Variants in RICTOR observed in about 807,000 individuals in gnomAD.
RICTOR encodes RPTOR independent companion of MTOR complex 2.
In RICTOR, 49 loss-of-function variants were observed where a neutral mutation model predicts 214.9. The observed-to-expected ratio is 0.23, with a 90% CI of 0.18 to 0.29. The LOEUF (loss-of-function observed/expected upper bound fraction) is 0.29, where lower values mean the gene tolerates loss of function less well. Among genes scored for constraint, RICTOR ranks in the 10% least tolerant of loss-of-function variants. The probability of loss-of-function intolerance (pLI) is 1.00; values close to 1 mark genes in which losing one functional copy is unlikely to be tolerated. For synonymous variants in RICTOR, 717 were observed against 711.3 expected (o/e 1.01, Z -0.13); for missense variants, 1,625 against 2,047.0 (o/e 0.79, Z 3.98).
chr5:39,005,043 A>G (rs1753943216), intron 3 of RICTOR, among the ~76,000 whole-genome samples: 1 of 152,154 alleles, frequency 6.6e-6, no homozygotes, highest in South Asian at 2.1e-4. Flanking sequence ...GGCCTCCCAA[A>G]GTGCTGGGAT....
At chr5:38,969,042 TCACTGTAACCTC>T (rs1159102203) in intron 11 of RICTOR, among the ~76,000 whole-genome samples, 1 of 148,168 alleles carries the variant, frequency 6.7e-6, no homozygotes, top group East Asian at 2.1e-4. Context: ...CAATCTCGGC[TCACTGTAACCTC>T]CACCTCCCGG....
At position 39,059,092 on chromosome 5, in the gene RICTOR, C is replaced by T. The variant is rs114972635; in HGVS notation, c.97+15019G>A. ...AACCCACTGACAATCCTAAAGAATCCATCCACATCATAACACACCTGATAC... is the reference window on the plus strand; with the variant it reads ...AACCCACTGACAATCCTAAAGAATCTATCCACATCATAACACACCTGATAC... On this transcript the variant is annotated intron_variant, in intron 2 of 37. Transcript: ENST00000357387. Among the ~76,000 whole-genome samples, 237 of 152,152 alleles carry T rather than the reference C, an allele frequency of 1.6e-3. 1 individual carries two copies. Among genetic ancestry groups the T allele is most frequent in the African/African-American group, 5.3e-3 (220 of 41,530 alleles).
chr5:39,072,414 T>C (rs1016689703), intron 2 of RICTOR, among the ~76,000 whole-genome samples: 1 of 152,202 alleles, frequency 6.6e-6, no homozygotes, highest in African/African-American at 2.4e-5. Context: ...AACCACTATA[T>C]ATAGGAGCTC....
chr5:39,009,292 A>G (rs1318741861), intron 3 of RICTOR, among the ~76,000 whole-genome samples: 3 of 152,286 alleles, frequency 2.0e-5, no homozygotes, highest in African/African-American at 7.2e-5. Flanking sequence ...AAAATATATG[A>G]CCATTTATCA....
At position 38,937,947 on chromosome 5, in the gene RICTOR, A is replaced by G. The variant is rs1747147116; in HGVS notation, c.*4357T>C. On this transcript the variant is annotated 3_prime_UTR_variant, in exon 38 of 38. Transcript: ENST00000357387. The surrounding 1 kb of genome is among the most constrained non-coding windows in gnomAD (Gnocchi z 4.0). The stretch of plus-strand genomic sequence containing the variant: ...TAAGAATTTTAAGTACATTTTATTA[A>G]CAATGTATCCCTTTGATAAGATTAT... 1 of 183,596 alleles carries G rather than the reference A, an allele frequency of 5.4e-6. No homozygotes were observed. The highest frequency in any genetic ancestry group is 2.4e-5 in the African/African-American group (1 of 42,552). 11.4% of individuals were successfully genotyped at this position (183,596 alleles called of 1,614,324 possible). A position where few individuals can be genotyped will look rare whatever the true frequency, so the allele number is the denominator to read the frequency against.
In RICTOR at chr5:38,942,384, G is replaced by GA. The variant is rs757992591; in HGVS notation, c.5053-7dup. On this transcript the variant is annotated splice_region_variant and splice_polypyrimidine_tract_variant and intron_variant, in intron 37 of 37. Coordinates refer to ENST00000357387, the MANE Select transcript of RICTOR (RefSeq NM_152756.5). ...GCCTCTGCTTCTTCATGCATCTAGGGAAAAAATGGTGTATCATCAATTACT... is the reference window on the plus strand; with the variant it reads ...GCCTCTGCTTCTTCATGCATCTAGGGAAAAAAATGGTGTATCATCAATTACT... 1.9e-6 allele frequency: 3 copies of GA among 1,566,664 alleles called. No homozygotes were observed. Among genetic ancestry groups the GA allele is most frequent in the Middle Eastern group, 1.7e-4 (1 of 5,874 alleles).
In RICTOR at chr5:38,966,112, A is replaced by C. The variant is rs74855420; in HGVS notation, c.1299+529T>G. ...AAATCATGGTGAAAAGAAAAACAAA[A>C]AAAACAAAACAAAACAAAAAAAACC... is the stretch of plus-strand genomic sequence containing the variant. On this transcript the variant is annotated intron_variant, in intron 15 of 37. Coordinates refer to ENST00000357387, the MANE Select transcript of RICTOR (RefSeq NM_152756.5). Among the ~76,000 whole-genome samples, 295 of 152,256 alleles carry C rather than the reference A, an allele frequency of 1.9e-3. 1 individual carries two copies. Among genetic ancestry groups the C allele is most frequent in the Admixed American group, 4.8e-3 (74 of 15,294 alleles).
At position 38,945,519 on chromosome 5, in the gene RICTOR, G is replaced by A; in HGVS notation, c.4605C>T (p.Asn1535=). 6.2e-7 allele frequency: 1 copy of A among 1,613,692 alleles called. No individual in the cohort carries two copies. Among genetic ancestry groups the A allele is most frequent in the Non-Finnish European group, 8.5e-7 (1 of 1,179,594 alleles). ...AATGACTACATATTGCACTCAGTTG[G>A]TTGCTGGGCTGGAAACCCAGAATTT... is the stretch of plus-strand genomic sequence containing the variant. ...CIEILGFQPS[N]QLSAICSHSD... is the part of the protein sequence containing the mutation. Residue 1535 remains asparagine (N), a synonymous_variant, in exon 34 of 38, where the codon AAC becomes AAT. Coordinates refer to ENST00000357387, the MANE Select transcript of RICTOR (RefSeq NM_152756.5).
chr5:39,033,345 C>T (rs966479856), intron 2 of RICTOR, among the ~76,000 whole-genome samples: 5 of 151,782 alleles, frequency 3.3e-5, no homozygotes, highest in Middle Eastern at 3.2e-3. Context: ...CTCACTGCAA[C>T]CTCTGCCTCC....
At position 39,023,068 on chromosome 5, in the gene RICTOR, C is replaced by T. The variant is rs530622904; in HGVS notation, c.98-1932G>A. On this transcript the variant is annotated intron_variant, in intron 2 of 37. Transcript: ENST00000357387. ...GCTCAAAACCACTGATAGAGATAAT[C>T]TTAAAAGTAGCCAGATTAAAAACAA... is the stretch of plus-strand genomic sequence containing the variant. Among the ~76,000 whole-genome samples, 10 of 151,984 alleles carry T rather than the reference C, an allele frequency of 6.6e-5. No individual in the cohort carries two copies. The East Asian group carries it at 1.7e-3, about 26-fold the overall frequency.
chr5:38,971,374 AT>A (rs772421728), intron 11 of RICTOR: 4,086 of 91,814 alleles, frequency 0.045, 166 homozygotes, highest in African/African-American at 0.12. Context: ...AACAACAGCA[AT>A]TTTTTTTTTT....
At position 39,053,322 on chromosome 5, in the gene RICTOR, G is replaced by C. The variant is rs976754794; in HGVS notation, c.97+20789C>G. 2.0e-5 allele frequency among the ~76,000 whole-genome samples: 3 copies of C among 152,276 alleles called. No homozygotes were observed. In the South Asian group the frequency reaches 6.2e-4, roughly 32 times the overall value. ...AATTATACTTGTCATGGCAAATCAGGTTTCAACTCTAGTGTCGGCCCTAGT... is the reference window on the plus strand; with the variant it reads ...AATTATACTTGTCATGGCAAATCAGCTTTCAACTCTAGTGTCGGCCCTAGT... On this transcript the variant is annotated intron_variant, in intron 2 of 37. Transcript: ENST00000357387.
chr5:39,029,346 A>C (rs1756095537), intron 2 of RICTOR, among the ~76,000 whole-genome samples: 1 of 152,108 alleles, frequency 6.6e-6, no homozygotes, highest in Non-Finnish European at 1.5e-5. Flanking sequence ...CATATAAACC[A>C]TTATTCACTA....
intron 2 of RICTOR, among the ~76,000 whole-genome samples, chr5:39,030,409 T>C (rs1756184069): frequency 6.6e-6 from 1 of 152,094 alleles, no homozygotes; most frequent in Non-Finnish European, 1.5e-5. Context: ...TTCCCCAACA[T>C]CTTACGGTCA....
chr5:38,989,134 A>C (rs1260352603), intron 7 of RICTOR, among the ~76,000 whole-genome samples: 1 of 152,224 alleles, frequency 6.6e-6, no homozygotes, highest in Non-Finnish European at 1.5e-5. Flanking sequence ...TACAGTAACC[A>C]AAATAGCACG....
At chr5:38,976,262 C>A (rs1051444584) in intron 9 of RICTOR, among the ~76,000 whole-genome samples, 5 of 152,046 alleles carry the variant, frequency 3.3e-5, no homozygotes, top group Admixed American at 2.0e-4. Context: ...TATGTCACTC[C>A]AACCACCATG....
rs1349483925 is a variant in RICTOR, at chr5:38,940,310, T to C, written c.*1994A>G. ...TTTTGAGGGATTAAACCACAGATTT[T>C]TATACTCTATATTAACTGAGGTAGT... On this transcript the variant is annotated 3_prime_UTR_variant, in exon 38 of 38. Transcript: ENST00000357387. The C allele has an allele frequency of 4.3e-6, 1 of 231,526 alleles. No individual in the cohort carries two copies. The highest frequency in any genetic ancestry group is 8.6e-6 in the Non-Finnish European group (1 of 116,824). 14.3% of individuals were successfully genotyped at this position (231,526 alleles called of 1,614,324 possible).
At chr5:39,059,408 T>C (rs932333667) in intron 2 of RICTOR, among the ~76,000 whole-genome samples, 6 of 152,164 alleles carry the variant, frequency 3.9e-5, no homozygotes, top group South Asian at 2.1e-4. Context: ...TTCCAGGGTA[T>C]TGCAATATTA....
At chr5:38,993,604 T>C (rs1378137090) in intron 6 of RICTOR, among the ~76,000 whole-genome samples, 1 of 152,092 alleles carries the variant, frequency 6.6e-6, no homozygotes, top group East Asian at 1.9e-4. Flanking sequence ...AAGCAAAAAA[T>C]GTTTTTCCTT....
Sources: allele counts gnomAD v4.1 joint callset (sites outside exome capture counted in the v4.1 genomes callset), GRCh38; gene constraint gnomAD v4.1.1; non-coding constraint Gnocchi (gnomAD v3.1); transcripts MANE v1.5; gene names NCBI Gene and HGNC (gene_info 2026-07-23, HGNC 2026-07-21).